Variants in NECAB1 observed in about 807,000 individuals in gnomAD.
NECAB1 encodes the protein N-terminal EF-hand calcium binding protein 1.
A neutral mutation model predicts 57.5 loss-of-function variants in NECAB1; 29 were observed. The observed-to-expected ratio is 0.50, with a 90% CI of 0.38 to 0.69. The LOEUF (loss-of-function observed/expected upper bound fraction) is 0.69, where lower values mean the gene tolerates loss of function less well. NECAB1 is among the 30% of genes least tolerant of loss of function. NECAB1 has a pLI of 0.00. For synonymous variants in NECAB1, 142 were observed against 147.7 expected (o/e 0.96, Z 0.28); for missense variants, 372 against 413.8 (o/e 0.90, Z 0.88).
chr8:90,930,032 C>A lies in NECAB1; in HGVS notation c.693+1733C>A, dbSNP rs570644331. Among the ~76,000 whole-genome samples, 3 of 151,350 alleles carry A rather than the reference C, an allele frequency of 2.0e-5. No individual in the cohort carries two copies. The South Asian group carries it at 6.3e-4, about 32-fold the overall frequency. The stretch of plus-strand genomic sequence containing the variant: ...ATTTTTTAACAGCTAAGTGACAAAC[C>A]AAAAAAAATCCTTTAGATAGGAAAT... On this transcript the variant is annotated intron_variant, in intron 8 of 12. Transcript: ENST00000417640.
chr8:90,950,210 G>C (rs868056158), intron 11 of NECAB1, among the ~76,000 whole-genome samples: 66 of 152,030 alleles, frequency 4.3e-4, no homozygotes, highest in African/African-American at 1.5e-3. Flanking sequence ...GAAAAAGGAT[G>C]GACAAAAGTG....
At chr8:90,835,133 G>T (rs576622249) in intron 3 of NECAB1, among the ~76,000 whole-genome samples, 1 of 151,852 alleles carries the variant, frequency 6.6e-6, no homozygotes, top group Admixed American at 6.6e-5. Flanking sequence ...TATTTGACTG[G>T]GATTTACTGC....
intron 3 of NECAB1, among the ~76,000 whole-genome samples, chr8:90,861,349 C>T (rs1197802440): frequency 6.6e-6 from 1 of 152,140 alleles, no homozygotes; most frequent in African/African-American, 2.4e-5. Flanking sequence ...TTTTGAGCTT[C>T]TTTCAAAGAA....
chr8:90,860,244 T>C (rs982618956), intron 3 of NECAB1, among the ~76,000 whole-genome samples: 2 of 151,144 alleles, frequency 1.3e-5, no homozygotes, highest in African/African-American at 2.4e-5. Flanking sequence ...TTTTCTTTTT[T>C]TTTTTTTTTT....
chr8:90,926,309 A>G (rs1236809961), intron 7 of NECAB1, among the ~76,000 whole-genome samples: 3 of 152,204 alleles, frequency 2.0e-5, no homozygotes, highest in African/African-American at 7.2e-5. Context: ...ATATTCAGAA[A>G]ATCAAGGTAT....
rs200327456 is a variant in NECAB1, at chr8:90,947,407, T to C, written c.861-2400T>C. ...CATGTAACTTCTTTTTTTTTTTTTC[T>C]TTTTTTTTTTTCAGAAAGAATCTCG... On this transcript the variant is annotated intron_variant, in intron 10 of 12. Transcript: ENST00000417640. Among the ~76,000 whole-genome samples the C allele has an allele frequency of 2.7e-3, 109 of 39,756 alleles. 4 individuals carry two copies. In the African/African-American group the frequency reaches 0.054, roughly 20 times the overall value. 26.1% of individuals were successfully genotyped at this position (39,756 alleles called of 152,430 possible). A position where few individuals can be genotyped will look rare whatever the true frequency, so the allele number is the denominator to read the frequency against.
intron 2 of NECAB1, chr8:90,813,230 T>TACACACAC (rs760365199): frequency 1.7e-4 from 23 of 138,636 alleles, no homozygotes; most frequent in African/African-American, 5.9e-4. Context: ...TATATATGTA[T>TACACACAC]ATATACACAC....
chr8:90,830,647 G>A (rs768653945), intron 3 of NECAB1, among the ~76,000 whole-genome samples: 6 of 152,064 alleles, frequency 3.9e-5, no homozygotes, highest in Non-Finnish European at 5.9e-5. Flanking sequence ...TCCATGAACC[G>A]AGGCTTGGCT....
At chr8:90,885,631 A>G (rs978594167) in intron 5 of NECAB1, among the ~76,000 whole-genome samples, 2 of 152,214 alleles carry the variant, frequency 1.3e-5, no homozygotes, top group African/African-American at 4.8e-5. Flanking sequence ...CTGAGTCACA[A>G]TGTGGCTAGT....
chr8:90,938,936 G>A (rs575289659), intron 9 of NECAB1, among the ~76,000 whole-genome samples: 100 of 152,312 alleles, frequency 6.6e-4, no homozygotes, highest in African/African-American at 2.3e-3. Context: ...CTAGTAAGCT[G>A]TATGTTAGCT....
intron 2 of NECAB1, 145 bp downstream of exon 2, chr8:90,801,860 T>C (rs1238255065): frequency 1.8e-6 from 1 of 545,374 alleles, no homozygotes; most frequent in Non-Finnish European, 3.1e-6. Context: ...TTTAGATAAG[T>C]TTTAGGCCCT....
chr8:90,847,384 C>A (rs898309632), intron 3 of NECAB1, among the ~76,000 whole-genome samples: 1 of 152,230 alleles, frequency 6.6e-6, no homozygotes, highest in East Asian at 1.9e-4. Context: ...GGTACAGCCC[C>A]CTCCCAGCTG....
At chr8:90,911,473 G>A (rs935849139) in intron 5 of NECAB1, among the ~76,000 whole-genome samples, 2 of 151,894 alleles carry the variant, frequency 1.3e-5, no homozygotes, top group African/African-American at 2.4e-5. Context: ...TACTTGAGGC[G>A]AATCAAGTCA....
At chr8:90,916,112 C>A (rs1216995632) in intron 5 of NECAB1, among the ~76,000 whole-genome samples, 1 of 152,162 alleles carries the variant, frequency 6.6e-6, no homozygotes, top group East Asian at 1.9e-4. Flanking sequence ...AGTTTACACT[C>A]AATATTAACC....
chr8:90,880,370 A>C (rs1219395414), intron 4 of NECAB1, among the ~76,000 whole-genome samples: 5 of 152,146 alleles, frequency 3.3e-5, no homozygotes, highest in African/African-American at 7.2e-5. Flanking sequence ...ATAGATTTCT[A>C]TAAGTAAATA....
At chr8:90,885,071 G>A (rs1007524151) in intron 5 of NECAB1, among the ~76,000 whole-genome samples, 15 of 152,178 alleles carry the variant, frequency 9.9e-5, no homozygotes, top group African/African-American at 3.6e-4. Flanking sequence ...ACTGGGTAAG[G>A]AGGAGATAGA....
chr8:90,934,198 C>A, intron 8 of NECAB1, 106 bp from the exon 9 acceptor site: 1 of 750,632 alleles, frequency 1.3e-6, no homozygotes, highest in Non-Finnish European at 2.1e-6. Flanking sequence ...TAATGAAGTT[C>A]TTTTGGTTCA....
intron 4 of NECAB1, among the ~76,000 whole-genome samples, chr8:90,880,708 G>A (rs758638407): frequency 2.0e-5 from 3 of 152,070 alleles, no homozygotes; most frequent in Non-Finnish European, 4.4e-5. Context: ...ATCCCAGTGA[G>A]ATCTATAATA....
At chr8:90,915,065 T>C (rs1480058916) in intron 5 of NECAB1, among the ~76,000 whole-genome samples, 2 of 152,182 alleles carry the variant, frequency 1.3e-5, no homozygotes, top group Non-Finnish European at 2.9e-5. Flanking sequence ...GCTCAGTAAA[T>C]GTTTGCTTTC....
Sources: gnomAD v4.1 joint callset for allele counts (sites outside exome capture counted in the v4.1 genomes callset) on GRCh38, gnomAD v4.1.1 for gene constraint, MANE v1.5 for transcripts, NCBI Gene and HGNC (gene_info 2026-07-23, HGNC 2026-07-21) for gene names.